SSU72: variants seen among roughly 807,000 people sequenced by gnomAD.
SSU72 encodes the protein RNA polymerase II subunit A C-terminal domain phosphatase SSU72.
A neutral mutation model predicts 22.7 loss-of-function variants in SSU72; 12 were observed. The observed-to-expected ratio is 0.53, with a 90% CI of 0.34 to 0.86. The LOEUF is 0.86. SSU72 is among the 40% of genes least tolerant of loss of function. The probability of loss-of-function intolerance (pLI) is 0.02; values close to 1 mark genes in which losing one functional copy is unlikely to be tolerated. For synonymous variants in SSU72, 116 were observed against 98.3 expected (o/e 1.18, Z -1.06); for missense variants, 151 against 249.8 (o/e 0.60, Z 2.67).
At chr1:1,555,977 A>G (rs1482476056) in intron 2 of SSU72, among the ~76,000 whole-genome samples, 2 of 152,154 alleles carry the variant, frequency 1.3e-5, no homozygotes, top group Non-Finnish European at 2.9e-5. Context: ...CATCAAAGTC[A>G]GAGCGAGACC....
At chr1:1,547,731 G>C (rs972544939) in intron 2 of SSU72, among the ~76,000 whole-genome samples, 2 of 152,200 alleles carry the variant, frequency 1.3e-5, no homozygotes, top group Admixed American at 1.3e-4. Flanking sequence ...TCAGGGCCAC[G>C]GGGAGGCTGA....
chr1:1,558,578 T>C (rs1642548441), intron 2 of SSU72, among the ~76,000 whole-genome samples: 1 of 152,264 alleles, frequency 6.6e-6, no homozygotes, highest in East Asian at 1.9e-4. Context: ...ACACGTTTAC[T>C]TGCTTTTGAA....
intron 1 of SSU72, 58 bp from the exon 2 acceptor site, chr1:1,564,974 G>A: frequency 1.3e-6 from 2 of 1,528,474 alleles, no homozygotes; most frequent in South Asian, 1.3e-5. Flanking sequence ...AATTCCAAAA[G>A]CAAGGGACAG....
In SSU72 at chr1:1,544,749, C is replaced by T. The variant is rs756739975; in HGVS notation, c.364+114G>A. 7.3e-6 allele frequency: 11 copies of T among 1,506,548 alleles called. No individual in the cohort carries two copies. In the African/African-American group the frequency reaches 1.4e-4, roughly 19 times the overall value. The allele number at this position is 1,506,548 out of a possible 1,614,324, so 93.3% of individuals were successfully genotyped here. Reference sequence around the variant, plus strand: ...AGGGTGCTTCACACTCAGGTCTGCTCCCCGGCCCCCGCCACTCTAGACGGG... The same window carrying T: ...AGGGTGCTTCACACTCAGGTCTGCTTCCCGGCCCCCGCCACTCTAGACGGG... On this transcript the variant is annotated intron_variant, in intron 3 of 4. Coordinates refer to ENST00000291386, the MANE Select transcript of SSU72 (RefSeq NM_014188.3).
intron 1 of SSU72, among the ~76,000 whole-genome samples, chr1:1,570,156 C>T (rs1422053960): frequency 1.3e-5 from 2 of 151,514 alleles, no homozygotes; most frequent in Non-Finnish European, 2.9e-5. Context: ...GCTCTGGGTG[C>T]GGTGCCTCAC....
chr1:1,574,406 A>G (rs1388484248), intron 1 of SSU72, 72 bp downstream of exon 1: 1 of 1,492,500 alleles, frequency 6.7e-7, no homozygotes, highest in African/African-American at 1.4e-5. Flanking sequence ...GGCGCGGGCC[A>G]GGGGGAACCG....
intron 4 of SSU72, among the ~76,000 whole-genome samples, chr1:1,543,650 C>T (rs1642352825): frequency 6.6e-6 from 1 of 152,028 alleles, no homozygotes; most frequent in Non-Finnish European, 1.5e-5. Context: ...CGGCCACTCC[C>T]CTCTGTCACG....
At chr1:1,548,075 G>A (rs1642413799) in intron 2 of SSU72, among the ~76,000 whole-genome samples, 1 of 152,230 alleles carries the variant, frequency 6.6e-6, no homozygotes, top group Non-Finnish European at 1.5e-5. Flanking sequence ...GAGGGCCCAG[G>A]GCAGGGCAGG....
intron 1 of SSU72, among the ~76,000 whole-genome samples, chr1:1,567,906 C>A (rs1642681491): frequency 2.0e-5 from 1 of 48,880 alleles, no homozygotes; most frequent in African/African-American, 4.5e-4. Flanking sequence ...GAGCGATACT[C>A]TGTTTCAAAA....
Position 1,542,482 on chromosome 1 carries a change from C to T in SSU72, c.484-315G>A, listed in dbSNP as rs748502228. Among the ~76,000 whole-genome samples the T allele has an allele frequency of 1.8e-4, 28 of 152,136 alleles. No homozygotes were observed. Among genetic ancestry groups the T allele is most frequent in the Admixed American group, 8.5e-4 (13 of 15,282 alleles). On this transcript the variant is annotated intron_variant, in intron 4 of 4. Coordinates refer to ENST00000291386, the MANE Select transcript of SSU72 (RefSeq NM_014188.3). This position sits in a 1 kb window ranked among gnomAD's most constrained non-coding sequence, Gnocchi z 4.4. ...AGGGCTCAGACCCACACATGCACAG[C>T]GGGGCCGACCAACCCTCACCGCCAG...
intron 2 of SSU72, among the ~76,000 whole-genome samples, chr1:1,557,138 C>T (rs974270398): frequency 3.3e-5 from 5 of 152,224 alleles, no homozygotes; most frequent in Admixed American, 6.5e-5. Context: ...CTGGGCGGGA[C>T]GCAGTGGCTC....
intron 2 of SSU72, among the ~76,000 whole-genome samples, chr1:1,555,389 G>T (rs1358023800): frequency 6.6e-6 from 1 of 152,208 alleles, no homozygotes; most frequent in Non-Finnish European, 1.5e-5. Flanking sequence ...GACTGCCCAG[G>T]GCTCTGACCC....
intron 2 of SSU72, among the ~76,000 whole-genome samples, chr1:1,553,318 T>G (rs1378579350): frequency 2.0e-5 from 3 of 152,142 alleles, no homozygotes. Context: ...GACATTCCAG[T>G]TATTTAGTTA....
intron 1 of SSU72, among the ~76,000 whole-genome samples, chr1:1,573,249 G>A (rs1642756569): frequency 7.4e-6 from 1 of 135,348 alleles, no homozygotes; most frequent in Admixed American, 7.7e-5. Flanking sequence ...ATGAAACTCC[G>A]TCTCTACTAA....
intron 1 of SSU72, among the ~76,000 whole-genome samples, chr1:1,571,025 T>C (rs970694097): frequency 1.3e-5 from 2 of 151,950 alleles, no homozygotes; most frequent in African/African-American, 4.8e-5. Context: ...GGCGGGCGGA[T>C]CACGAGGTCA....
intron 1 of SSU72, among the ~76,000 whole-genome samples, chr1:1,570,324 T>C (rs1013792945): frequency 6.9e-6 from 1 of 145,276 alleles, no homozygotes; most frequent in Admixed American, 7.1e-5. Context: ...ACAACAGACA[T>C]AAATTCCAAC....
At chr1:1,544,706 C>T (rs764272830) in intron 3 of SSU72, 157 bp downstream of exon 3, 11 of 975,004 alleles carry the variant, frequency 1.1e-5, no homozygotes, top group South Asian at 2.7e-5. Flanking sequence ...CAGCGACCAG[C>T]GGCCCTGCCT....
At chr1:1,573,573 C>T (rs1437088634) in intron 1 of SSU72, among the ~76,000 whole-genome samples, 1 of 151,988 alleles carries the variant, frequency 6.6e-6, no homozygotes, top group African/African-American at 2.4e-5. Flanking sequence ...CGTCGGCCTC[C>T]CAAAGTGCGG....
At chr1:1,574,030 AAAAAG>A (rs1396854902) in intron 1 of SSU72, among the ~76,000 whole-genome samples, 4 of 115,166 alleles carry the variant, frequency 3.5e-5, no homozygotes, top group Admixed American at 8.7e-5. Context: ...GCAAAAAAAA[AAAAAG>A]AAGAAGAAGT....
Sources: gnomAD v4.1 joint callset for allele counts (sites outside exome capture counted in the v4.1 genomes callset) on GRCh38, gnomAD v4.1.1 for gene constraint, Gnocchi (gnomAD v3.1) non-coding constraint, MANE v1.5 for transcripts, NCBI Gene and HGNC (gene_info 2026-07-23, HGNC 2026-07-21) for gene names.